Variants in SLC24A2 observed in about 807,000 individuals in gnomAD.
The protein encoded by SLC24A2 is sodium/potassium/calcium exchanger 2.
A neutral mutation model predicts 62.0 loss-of-function variants in SLC24A2; 36 were observed. The ratio of observed to expected loss-of-function variants is 0.58; its 90% CI spans 0.44 to 0.77. SLC24A2 has a LOEUF of 0.77. Ranked by LOEUF, SLC24A2 falls within the 30% of genes least tolerant of loss-of-function variation. SLC24A2 has a pLI of 0.00. For missense variants in SLC24A2, 846 were observed against 817.9 expected, an observed-to-expected ratio of 1.03 and a Z score of -0.42; for synonymous variants, 358 against 294.0, an observed-to-expected ratio of 1.22 and a Z score of -2.23.
chr9:19,939,830 G>T, the SLC24A2 span, among the ~76,000 whole-genome samples: 1 of 152,180 alleles, frequency 6.6e-6, no homozygotes, highest in Non-Finnish European at 1.5e-5. Flanking sequence ...TAAACTGCCA[G>T]CCCCTAGTGA....
At chr9:20,102,664 C>CA in the SLC24A2 span, among the ~76,000 whole-genome samples, 42 of 131,432 alleles carry the variant, frequency 3.2e-4, no homozygotes, top group African/African-American at 1.0e-3. Context: ...AAATGCACTG[C>CA]AAAAAAAAAG....
chr9:19,970,075 G>T, the SLC24A2 span, among the ~76,000 whole-genome samples: 3 of 152,188 alleles, frequency 2.0e-5, no homozygotes, highest in Non-Finnish European at 2.9e-5. Context: ...TGGGCTGAGA[G>T]CAACAGCAAG....
At chr9:20,091,556 T>G in the SLC24A2 span, among the ~76,000 whole-genome samples, 1 of 151,728 alleles carries the variant, frequency 6.6e-6, no homozygotes, top group Non-Finnish European at 1.5e-5. Flanking sequence ...TCAAAATTCT[T>G]GAAGGAAAAA....
At chr9:20,217,027 G>A in the SLC24A2 span, among the ~76,000 whole-genome samples, 16,824 of 152,022 alleles carry the variant, frequency 0.11, 2,217 homozygotes, top group East Asian at 0.61. Context: ...CAAAAGTCAA[G>A]AAGAAAAATG....
At chr9:20,238,212 A>T in the SLC24A2 span, among the ~76,000 whole-genome samples, 3 of 152,132 alleles carry the variant, frequency 2.0e-5, no homozygotes, top group South Asian at 6.2e-4. Context: ...ATTTCATTTC[A>T]CCCTCACATC....
the SLC24A2 span, among the ~76,000 whole-genome samples, chr9:19,949,364 C>T: frequency 0.014 from 2,076 of 152,148 alleles, 51 homozygotes; most frequent in African/African-American, 0.048. Context: ...ACGATTTTTC[C>T]TAGATATGAA....
At chr9:19,518,950 T>C (rs900555517) in intron 10 of SLC24A2, among the ~76,000 whole-genome samples, 1 of 152,202 alleles carries the variant, frequency 6.6e-6, no homozygotes, top group African/African-American at 2.4e-5. Context: ...TTTAGTTCAT[T>C]AATACTGCTT....
chr9:20,027,175 A>G, the SLC24A2 span, among the ~76,000 whole-genome samples: 3 of 152,156 alleles, frequency 2.0e-5, no homozygotes, highest in Non-Finnish European at 4.4e-5. Context: ...AGCATGGAGA[A>G]AAGAGAACCC....
the SLC24A2 span, among the ~76,000 whole-genome samples, chr9:20,180,828 C>G: frequency 1.3e-5 from 2 of 152,124 alleles, no homozygotes; most frequent in African/African-American, 4.8e-5. Flanking sequence ...AAGTTAAGAG[C>G]TTTGCTTTCT....
At chr9:19,560,110 G>A (rs1835316997) in intron 7 of SLC24A2, among the ~76,000 whole-genome samples, 2 of 152,084 alleles carry the variant, frequency 1.3e-5, no homozygotes, top group Non-Finnish European at 2.9e-5. Flanking sequence ...CTTTCCTAAG[G>A]GCTCTAAGGC....
chr9:20,122,012 A>G, the SLC24A2 span, among the ~76,000 whole-genome samples: 84 of 152,338 alleles, frequency 5.5e-4, no homozygotes, highest in African/African-American at 1.8e-3. Context: ...ATTCCAAGGC[A>G]TCTCCTGAGA....
At chr9:20,264,843 G>T in the SLC24A2 span, among the ~76,000 whole-genome samples, 1 of 152,310 alleles carries the variant, frequency 6.6e-6, no homozygotes, top group East Asian at 1.9e-4. Context: ...AACATAGAAG[G>T]TGGTATTAAT....
At chr9:20,116,086 T>C in the SLC24A2 span, among the ~76,000 whole-genome samples, 2 of 152,204 alleles carry the variant, frequency 1.3e-5, no homozygotes, top group Admixed American at 6.5e-5. Context: ...CTGGGAATTA[T>C]TCTGAAGTTG....
chr9:19,630,468 A>G (rs1818149321), intron 2 of SLC24A2, among the ~76,000 whole-genome samples: 1 of 152,182 alleles, frequency 6.6e-6, no homozygotes, highest in Non-Finnish European at 1.5e-5. Context: ...TGAACCTCAA[A>G]GAGAACAAAA....
At chr9:20,196,857 T>G in the SLC24A2 span, among the ~76,000 whole-genome samples, 78 of 152,368 alleles carry the variant, frequency 5.1e-4, no homozygotes, top group African/African-American at 1.4e-3. Flanking sequence ...ACTTGTGGAA[T>G]TGGCATATAT....
intron 2 of SLC24A2, among the ~76,000 whole-genome samples, chr9:19,719,268 C>G (rs947357870): frequency 7.9e-5 from 12 of 152,190 alleles, no homozygotes; most frequent in Admixed American, 2.6e-4. Flanking sequence ...TATTACAACA[C>G]TCTTGTCACC....
chr9:19,909,626 T>C, the SLC24A2 span, among the ~76,000 whole-genome samples: 1 of 152,142 alleles, frequency 6.6e-6, no homozygotes, highest in Non-Finnish European at 1.5e-5. Flanking sequence ...GAAAGGTCTG[T>C]TTATGCAAAC....
At chr9:20,067,725 T>C in the SLC24A2 span, among the ~76,000 whole-genome samples, 1 of 152,176 alleles carries the variant, frequency 6.6e-6, no homozygotes, top group East Asian at 1.9e-4. Flanking sequence ...TACATTCCTT[T>C]TTATGGCTGC....
chr9:19,598,362 G>C (rs186260761), intron 4 of SLC24A2, among the ~76,000 whole-genome samples: 5 of 152,270 alleles, frequency 3.3e-5, no homozygotes, highest in South Asian at 4.1e-4. Flanking sequence ...GATGGGTTTT[G>C]TGTGCAAGAT....
Sources: allele counts gnomAD v4.1 joint callset (sites outside exome capture counted in the v4.1 genomes callset), GRCh38; gene constraint gnomAD v4.1.1; transcripts MANE v1.5; gene names NCBI Gene and HGNC (gene_info 2026-07-23, HGNC 2026-07-21).